Variants in SH3GL2 observed in about 807,000 individuals in gnomAD.
SH3GL2 encodes the protein endophilin-A1.
A neutral mutation model predicts 46.0 loss-of-function variants in SH3GL2; 24 were observed. The observed-to-expected ratio is 0.52, with a 90% CI of 0.38 to 0.73. SH3GL2 has a LOEUF of 0.73. SH3GL2 is among the 30% of genes least tolerant of loss of function. SH3GL2 has a pLI of 0.00. For missense variants in SH3GL2, 413 were observed against 424.2 expected (o/e 0.97, Z 0.23); for synonymous variants, 196 against 147.1 (o/e 1.33, Z -2.40).
intron 1 of SH3GL2, among the ~76,000 whole-genome samples, chr9:17,595,840 C>T (rs1003229633): frequency 6.6e-6 from 1 of 152,056 alleles, no homozygotes; most frequent in African/African-American, 2.4e-5. Flanking sequence ...AGCTAAAATG[C>T]ACTGAGAATT....
At chr9:17,780,550 T>C (rs1823777457) in intron 3 of SH3GL2, among the ~76,000 whole-genome samples, 1 of 143,664 alleles carries the variant, frequency 7.0e-6, no homozygotes, top group Non-Finnish European at 1.5e-5. Flanking sequence ...TACATATGTA[T>C]ACATGTGCCA....
intron 1 of SH3GL2, among the ~76,000 whole-genome samples, chr9:17,663,259 G>C (rs1820266508): frequency 6.6e-6 from 1 of 152,166 alleles, no homozygotes; most frequent in Non-Finnish European, 1.5e-5. Flanking sequence ...GTTGATTTTA[G>C]TATAAAACAG....
At chr9:17,650,373 G>T (rs1490814867) in intron 1 of SH3GL2, among the ~76,000 whole-genome samples, 4 of 150,052 alleles carry the variant, frequency 2.7e-5, no homozygotes, top group East Asian at 1.9e-4. Context: ...AAGTTTTTTT[G>T]TTTGTTTGTT....
At chr9:17,590,300 C>T (rs1173666835) in intron 1 of SH3GL2, 1 of 152,186 alleles carries the variant, frequency 6.6e-6, no homozygotes, top group Non-Finnish European at 1.5e-5. Context: ...ACATCATCAT[C>T]GTATAATACA....
chr9:17,793,113 T>C (rs1012124647), intron 7 of SH3GL2, among the ~76,000 whole-genome samples: 9 of 152,160 alleles, frequency 5.9e-5, no homozygotes, highest in Non-Finnish European at 2.9e-5. Context: ...GATAAAGGAC[T>C]CTGAATAAAT....
chr9:17,622,404 G>T (rs951647071), intron 1 of SH3GL2, among the ~76,000 whole-genome samples: 7 of 152,216 alleles, frequency 4.6e-5, no homozygotes, highest in African/African-American at 1.7e-4. Context: ...TTCTTCCAAG[G>T]GGGAGGATCT....
chr9:17,761,873 C>G (rs1288283359), intron 3 of SH3GL2, among the ~76,000 whole-genome samples: 1 of 151,960 alleles, frequency 6.6e-6, no homozygotes, highest in Non-Finnish European at 1.5e-5. Flanking sequence ...ATAATGATTC[C>G]CAGAAGATGT....
chr9:17,703,923 A>G (rs139182413), intron 1 of SH3GL2, among the ~76,000 whole-genome samples: 8 of 152,196 alleles, frequency 5.3e-5, no homozygotes, highest in African/African-American at 1.9e-4. Context: ...CCTATTCTAC[A>G]TAGTATTGGA....
intron 1 of SH3GL2, among the ~76,000 whole-genome samples, chr9:17,706,117 T>C (rs540197515): frequency 1.2e-4 from 18 of 152,164 alleles, no homozygotes; most frequent in African/African-American, 4.1e-4. Context: ...AGTAATATAT[T>C]CTAAATAAAA....
chr9:17,778,637 A>T (rs558174080), intron 3 of SH3GL2, among the ~76,000 whole-genome samples: 1 of 152,132 alleles, frequency 6.6e-6, no homozygotes, highest in African/African-American at 2.4e-5. Flanking sequence ...TTACTCTTCT[A>T]TTGAGAGTAG....
rs1370708145 is a variant in SH3GL2, at chr9:17,796,575, T to C, written c.*832T>C. 1.3e-5 allele frequency: 2 copies of C among 152,330 alleles called. No individual in the cohort carries two copies. The highest frequency in any genetic ancestry group is 2.9e-5 in the Non-Finnish European group (2 of 68,040). The allele number at this position is 152,330 out of a possible 1,614,324, so 9.4% of individuals were successfully genotyped here. ...GGGAAGGGGGAACAAATATCTTCAC[T>C]TCAGTTTTATTTGTGAATTACATGT... is the stretch of plus-strand genomic sequence containing the variant. On this transcript the variant is annotated 3_prime_UTR_variant, in exon 9 of 9. Coordinates refer to ENST00000380607, the MANE Select transcript of SH3GL2 (RefSeq NM_003026.5).
chr9:17,699,805 C>A lies in SH3GL2; in HGVS notation c.46-47261C>A, dbSNP rs556966038. 2.0e-5 allele frequency among the ~76,000 whole-genome samples: 3 copies of A among 152,360 alleles called. No homozygotes were observed. The South Asian group carries it at 6.2e-4, about 32-fold the overall frequency. On this transcript the variant is annotated intron_variant, in intron 1 of 8. Coordinates refer to ENST00000380607, the MANE Select transcript of SH3GL2 (RefSeq NM_003026.5). ...TGCCATCATTTATTCAGCCAGTCAT[C>A]TCATGGTGAATGCATAGATCAGCAT...
intron 1 of SH3GL2, among the ~76,000 whole-genome samples, chr9:17,728,708 T>C (rs185792299): frequency 6.6e-6 from 1 of 152,168 alleles, no homozygotes; most frequent in East Asian, 1.9e-4. Context: ...TCCCACTTAT[T>C]AGTGAGAACA....
chr9:17,759,059 C>G (rs1293608524), intron 2 of SH3GL2, among the ~76,000 whole-genome samples: 1 of 152,116 alleles, frequency 6.6e-6, no homozygotes, highest in Non-Finnish European at 1.5e-5. Flanking sequence ...GTTGGGCTCC[C>G]TACACAGAGC....
chr9:17,767,016 G>C (rs1463307708), intron 3 of SH3GL2, among the ~76,000 whole-genome samples: 4 of 152,194 alleles, frequency 2.6e-5, no homozygotes, highest in Non-Finnish European at 4.4e-5. Flanking sequence ...ACCTTTTCCA[G>C]ACTTAGCATC....
intron 1 of SH3GL2, among the ~76,000 whole-genome samples, chr9:17,595,003 T>C (rs899929924): frequency 2.6e-5 from 4 of 152,222 alleles, no homozygotes; most frequent in African/African-American, 4.8e-5. Flanking sequence ...AAGTTTAAAA[T>C]AAACTTCCTT....
In SH3GL2 at chr9:17,738,641, T is replaced by TATATATATAGAGAGAGAGAG. The variant is rs376280314; in HGVS notation, c.46-8424_46-8423insTATATATAGAGAGAGAGAGA. Among the ~76,000 whole-genome samples the TATATATATAGAGAGAGAGAG allele has an allele frequency of 1.0e-4, 9 of 88,878 alleles. No individual in the cohort carries two copies. The South Asian group carries it at 1.5e-3, about 15-fold the overall frequency. 58.3% of individuals were successfully genotyped at this position (88,878 alleles called of 152,430 possible). A position where few individuals can be genotyped will look rare whatever the true frequency, so the allele number is the denominator to read the frequency against. ...TCATGTGATTTTATATATATATATA[T>TATATATATAGAGAGAGAGAG]AGAGAGAGAGAGAGAGAGAGAGAGA... On this transcript the variant is annotated intron_variant, in intron 1 of 8. Coordinates refer to ENST00000380607, the MANE Select transcript of SH3GL2 (RefSeq NM_003026.5).
intron 1 of SH3GL2, among the ~76,000 whole-genome samples, chr9:17,634,191 C>T (rs1819493499): frequency 6.6e-6 from 1 of 152,162 alleles, no homozygotes; most frequent in African/African-American, 2.4e-5. Flanking sequence ...CATCGGTTAA[C>T]ACTAGTGAAG....
At chr9:17,650,358 A>G (rs1481873086) in intron 1 of SH3GL2, among the ~76,000 whole-genome samples, 1 of 152,042 alleles carries the variant, frequency 6.6e-6, no homozygotes, top group East Asian at 1.9e-4. Flanking sequence ...GGTGATATCC[A>G]CTTGAAGTTT....
Sources: allele counts gnomAD v4.1 joint callset (sites outside exome capture counted in the v4.1 genomes callset), GRCh38; gene constraint gnomAD v4.1.1; transcripts MANE v1.5; gene names NCBI Gene and HGNC (gene_info 2026-07-23, HGNC 2026-07-21).